VAV3: variants seen among roughly 807,000 people sequenced by gnomAD.
The protein encoded by VAV3 is guanine nucleotide exchange factor VAV3.
In VAV3, 94 loss-of-function variants were observed where a neutral mutation model predicts 131.2. The observed-to-expected ratio is 0.72, with a 90% CI of 0.61 to 0.85. VAV3 has a LOEUF of 0.85. Ranked by LOEUF, VAV3 falls within the 40% of genes least tolerant of loss-of-function variation. The probability of loss-of-function intolerance (pLI) is 0.00; values close to 1 mark genes in which losing one functional copy is unlikely to be tolerated. For missense variants in VAV3, 939 were observed against 1,002.7 expected (o/e 0.94, Z 0.86); for synonymous variants, 349 against 342.0 (o/e 1.02, Z -0.22).
At chr1:107,904,296 G>A (rs967457964) in intron 1 of VAV3, among the ~76,000 whole-genome samples, 3 of 152,098 alleles carry the variant, frequency 2.0e-5, no homozygotes, top group African/African-American at 7.2e-5. Flanking sequence ...AAATGTATAC[G>A]TATGATGTGA....
chr1:107,854,183 G>A (rs1173822613), intron 2 of VAV3, among the ~76,000 whole-genome samples: 4 of 152,220 alleles, frequency 2.6e-5, no homozygotes, highest in South Asian at 2.1e-4. Context: ...GGTAGCGTGC[G>A]CCTGTAATCC....
intron 4 of VAV3, among the ~76,000 whole-genome samples, chr1:107,775,875 C>T (rs986927070): frequency 6.6e-6 from 1 of 152,144 alleles, no homozygotes; most frequent in African/African-American, 2.4e-5. Context: ...TGGGTGTGCT[C>T]ACCCCCTCTA....
intron 10 of VAV3, among the ~76,000 whole-genome samples, chr1:107,758,336 G>C (rs534149748): frequency 2.6e-5 from 4 of 152,252 alleles, no homozygotes; most frequent in Admixed American, 2.6e-4. Flanking sequence ...TTTCCAGGCT[G>C]AGATGGGAGG....
chr1:107,718,470 GA>G (rs1165506344), intron 15 of VAV3, among the ~76,000 whole-genome samples: 2 of 152,078 alleles, frequency 1.3e-5, no homozygotes, highest in Non-Finnish European at 2.9e-5. Flanking sequence ...GCTACAAAGA[GA>G]ATAAAATACC....
In VAV3 at chr1:107,573,104, A is replaced by T; in HGVS notation, c.*227T>A. ...TTTTGCCCTGGTCCCTGACAATGAC[A>T]GACTGGCAGGCTGTTTCTTGCACAG... On this transcript the variant is annotated 3_prime_UTR_variant, in exon 27 of 27. Transcript: ENST00000370056. 1 of 499,032 alleles carries T rather than the reference A, an allele frequency of 2.0e-6. No homozygotes were observed. The highest frequency in any genetic ancestry group is 3.5e-6 in the Non-Finnish European group (1 of 288,390). The allele number at this position is 499,032 out of a possible 1,614,324, so 30.9% of individuals were successfully genotyped here.
intron 17 of VAV3, among the ~76,000 whole-genome samples, chr1:107,697,856 TA>T (rs1303675507): frequency 2.0e-5 from 3 of 152,110 alleles, no homozygotes; most frequent in African/African-American, 7.2e-5. Context: ...GTGTTCTGCC[TA>T]AAAAACCATT....
intron 5 of VAV3, among the ~76,000 whole-genome samples, chr1:107,772,081 T>C (rs1184077433): frequency 6.6e-6 from 1 of 152,232 alleles, no homozygotes; most frequent in Non-Finnish European, 1.5e-5. Context: ...GTCTTTAATA[T>C]ACAAGAAAAA....
At chr1:107,924,749 TG>T (rs1250066809) in intron 1 of VAV3, among the ~76,000 whole-genome samples, 1 of 152,112 alleles carries the variant, frequency 6.6e-6, no homozygotes, top group African/African-American at 2.4e-5. Context: ...CAGACACCAT[TG>T]GGGGAAAAAA....
chr1:107,675,118 C>T (rs1042145447), intron 19 of VAV3, among the ~76,000 whole-genome samples: 12 of 152,306 alleles, frequency 7.9e-5, no homozygotes, highest in African/African-American at 2.6e-4. Flanking sequence ...CAGAACCCAA[C>T]TAAGCCATGC....
intron 10 of VAV3, among the ~76,000 whole-genome samples, chr1:107,760,040 CTA>C (rs1455713933): frequency 6.6e-6 from 1 of 152,098 alleles, no homozygotes; most frequent in East Asian, 1.9e-4. Flanking sequence ...ATAGAGATGA[CTA>C]ATAATTTTGC....
intron 15 of VAV3, among the ~76,000 whole-genome samples, chr1:107,738,950 T>C (rs1457114337): frequency 1.3e-5 from 2 of 152,186 alleles, no homozygotes; most frequent in Non-Finnish European, 1.5e-5. Context: ...TGTACTATTA[T>C]TGTTCATTTA....
At chr1:107,817,168 A>G (rs75778624) in intron 2 of VAV3, among the ~76,000 whole-genome samples, 14,176 of 152,236 alleles carry the variant, frequency 0.093, 828 homozygotes, top group East Asian at 0.25. Flanking sequence ...TTATGATAGT[A>G]GGCAGACAAA....
At position 107,576,342 on chromosome 1, in the gene VAV3, T is replaced by C. The variant is rs956843446; in HGVS notation, c.2351-2144A>G. 18 of 1,438,620 alleles carry C rather than the reference T, an allele frequency of 1.3e-5. No homozygotes were observed. In the African/African-American group the frequency reaches 2.2e-4, roughly 17 times the overall value. The allele number at this position is 1,438,620 out of a possible 1,614,324, so 89.1% of individuals were successfully genotyped here. A position where few individuals can be genotyped will look rare whatever the true frequency, so the allele number is the denominator to read the frequency against. ...CATACATGGAACTCAAATATTTTAT[T>C]TGCAAGCAGAAGCAAGTTGAAGAGA... On this transcript the variant is annotated intron_variant, in intron 25 of 26. Transcript: ENST00000370056.
chr1:107,666,223 AT>A (rs2101648515), intron 19 of VAV3, among the ~76,000 whole-genome samples: 1 of 152,330 alleles, frequency 6.6e-6, no homozygotes, highest in African/African-American at 2.4e-5. Context: ...GAGTAAAATA[AT>A]GTCCAGAAAA....
intron 20 of VAV3, among the ~76,000 whole-genome samples, chr1:107,637,404 C>T (rs886243072): frequency 6.6e-6 from 1 of 152,096 alleles, no homozygotes; most frequent in African/African-American, 2.4e-5. Flanking sequence ...GGGCAGATCA[C>T]TTGAGGTCAG....
At chr1:107,852,382 A>G (rs773247434) in intron 2 of VAV3, among the ~76,000 whole-genome samples, 13 of 152,208 alleles carry the variant, frequency 8.5e-5, no homozygotes, top group Non-Finnish European at 1.9e-4. Context: ...GCATACAAAA[A>G]TTTGTAAAAT....
At chr1:107,622,157 T>G (rs1557710402) in intron 20 of VAV3, among the ~76,000 whole-genome samples, 1 of 152,228 alleles carries the variant, frequency 6.6e-6, no homozygotes, top group Non-Finnish European at 1.5e-5. Flanking sequence ...CAACTTCTTC[T>G]GACATTCCCG....
At chr1:107,798,075 AT>A (rs1444071062) in intron 2 of VAV3, among the ~76,000 whole-genome samples, 3 of 152,238 alleles carry the variant, frequency 2.0e-5, no homozygotes, top group African/African-American at 7.2e-5. Context: ...ATTAATCTAG[AT>A]AATATCTTGA....
At position 107,618,749 on chromosome 1, in the gene VAV3, C is replaced by T. The variant is rs115724700; in HGVS notation, c.1915-1117G>A. Among the ~76,000 whole-genome samples, 1,336 of 152,254 alleles carry T rather than the reference C, an allele frequency of 8.8e-3. 23 individuals are homozygous for T. Among genetic ancestry groups the T allele is most frequent in the African/African-American group, 0.031 (1,281 of 41,548 alleles). On this transcript the variant is annotated intron_variant, in intron 20 of 26. Coordinates refer to ENST00000370056, the MANE Select transcript of VAV3 (RefSeq NM_006113.5). ...CAAGTACAGAGCCATAAATCAAACT[C>T]AGATGTTCTAACTTCAGGGCTCTGC...
Sources: gnomAD v4.1 joint callset for allele counts (sites outside exome capture counted in the v4.1 genomes callset) on GRCh38, gnomAD v4.1.1 for gene constraint, MANE v1.5 for transcripts, NCBI Gene and HGNC (gene_info 2026-07-23, HGNC 2026-07-21) for gene names.